Variants in GABRG3 observed in about 807,000 individuals in gnomAD.
GABRG3 encodes gamma-aminobutyric acid type A receptor subunit gamma3, also known as gamma-aminobutyric acid receptor subunit gamma-3.
In GABRG3, 25 loss-of-function variants were observed where a neutral mutation model predicts 48.8. The observed-to-expected ratio is 0.51, with a 90% CI of 0.37 to 0.72. The LOEUF (loss-of-function observed/expected upper bound fraction) is 0.72. Among genes scored for constraint, GABRG3 ranks in the 30% least tolerant of loss-of-function variants. GABRG3 has a pLI of 0.00. For synonymous variants in GABRG3, 227 were observed against 217.6 expected (o/e 1.04, Z -0.38); for missense variants, 394 against 577.9 (o/e 0.68, Z 3.26).
At chr15:27,435,126 C>A (rs181117344) in intron 5 of GABRG3, among the ~76,000 whole-genome samples, 1 of 151,610 alleles carries the variant, frequency 6.6e-6, no homozygotes, top group African/African-American at 2.4e-5. Context: ...TTTCCTTGTC[C>A]TAAGGGTCTT....
At chr15:27,060,436 A>G (rs1454170565) in intron 3 of GABRG3, among the ~76,000 whole-genome samples, 1 of 152,210 alleles carries the variant, frequency 6.6e-6, no homozygotes, top group African/African-American at 2.4e-5. Context: ...CTTGGAACTA[A>G]CAGACTGTGT....
At chr15:26,997,751 T>C (rs12440254) in intron 2 of GABRG3, among the ~76,000 whole-genome samples, 9,829 of 152,300 alleles carry the variant, frequency 0.065, 364 homozygotes, top group East Asian at 0.18. Flanking sequence ...GTCTTTGAGT[T>C]TGTTATCACA....
At chr15:27,020,068 C>T (rs1217358794) in intron 2 of GABRG3, among the ~76,000 whole-genome samples, 1 of 152,198 alleles carries the variant, frequency 6.6e-6, no homozygotes, top group Non-Finnish European at 1.5e-5. Flanking sequence ...CGGCCCTCCA[C>T]TCTCATCTTG....
chr15:27,459,710 G>A (rs1889391524), intron 5 of GABRG3, among the ~76,000 whole-genome samples: 2 of 152,234 alleles, frequency 1.3e-5, no homozygotes, highest in Admixed American at 1.3e-4. Context: ...TTTCAACACT[G>A]GTCATTAGAT....
chr15:27,186,805 T>C (rs1253141596), intron 3 of GABRG3, among the ~76,000 whole-genome samples: 1 of 152,158 alleles, frequency 6.6e-6, no homozygotes, highest in East Asian at 1.9e-4. Context: ...TACAAAGTGT[T>C]CTTAATCTTT....
chr15:27,434,673 A>G (rs1888553999), intron 5 of GABRG3, among the ~76,000 whole-genome samples: 2 of 152,154 alleles, frequency 1.3e-5, no homozygotes, highest in South Asian at 2.1e-4. Flanking sequence ...TTCATATTCC[A>G]TCAGAGCCGG....
At chr15:27,233,877 A>G (rs1889877745) in intron 3 of GABRG3, among the ~76,000 whole-genome samples, 1 of 152,220 alleles carries the variant, frequency 6.6e-6, no homozygotes, top group Admixed American at 6.5e-5. Flanking sequence ...ATTACACTTC[A>G]TGTGAATTAT....
chr15:27,033,190 C>T (rs777823588), intron 3 of GABRG3, among the ~76,000 whole-genome samples: 1 of 151,712 alleles, frequency 6.6e-6, no homozygotes, highest in African/African-American at 2.4e-5. Flanking sequence ...TCTTTATTCT[C>T]TCTGTCCAGG....
At chr15:27,238,699 T>C (rs1336825233) in intron 3 of GABRG3, among the ~76,000 whole-genome samples, 1 of 152,240 alleles carries the variant, frequency 6.6e-6, no homozygotes, top group African/African-American at 2.4e-5. Flanking sequence ...TCCCGTTTTC[T>C]TTCTTGTTGC....
At chr15:27,021,216 T>G (rs2140677331) in intron 2 of GABRG3, among the ~76,000 whole-genome samples, 1 of 152,304 alleles carries the variant, frequency 6.6e-6, no homozygotes, top group Middle Eastern at 3.4e-3. Flanking sequence ...AAGAACATAT[T>G]TTTTCGTGTT....
At chr15:26,995,552 T>G (rs1385278009) in intron 2 of GABRG3, among the ~76,000 whole-genome samples, 1 of 151,536 alleles carries the variant, frequency 6.6e-6, no homozygotes, top group Admixed American at 6.6e-5. Context: ...TTTTTTTTTT[T>G]GTTAAGTGGA....
intron 3 of GABRG3, among the ~76,000 whole-genome samples, chr15:27,207,571 T>C (rs926677057): frequency 6.6e-6 from 1 of 152,190 alleles, no homozygotes; most frequent in African/African-American, 2.4e-5. Context: ...TGACAACTGA[T>C]GGATTGTCAG....
intron 3 of GABRG3, among the ~76,000 whole-genome samples, chr15:27,220,960 A>G (rs958212289): frequency 6.6e-6 from 1 of 151,698 alleles, no homozygotes; most frequent in African/African-American, 2.4e-5. Flanking sequence ...GCATTATTCA[A>G]CCTTTCCATT....
At chr15:27,138,167 G>A (rs1463956978) in intron 3 of GABRG3, among the ~76,000 whole-genome samples, 1 of 152,182 alleles carries the variant, frequency 6.6e-6, no homozygotes, top group Non-Finnish European at 1.5e-5. Context: ...ATTTATGCCT[G>A]TAGTTCAGAA....
intron 2 of GABRG3, among the ~76,000 whole-genome samples, chr15:27,019,933 A>G (rs1479113972): frequency 6.6e-6 from 1 of 152,234 alleles, no homozygotes; most frequent in Non-Finnish European, 1.5e-5. Flanking sequence ...ATTTTTAAGC[A>G]TAAACATTAT....
chr15:27,259,368 C>T (rs763106641), intron 3 of GABRG3, among the ~76,000 whole-genome samples: 3 of 152,116 alleles, frequency 2.0e-5, no homozygotes, highest in Non-Finnish European at 4.4e-5. Context: ...TGGGCTCCGT[C>T]CTTCTCTGTC....
chr15:27,265,717 G>A lies in GABRG3; in HGVS notation c.271-61092G>A, dbSNP rs193234603. On this transcript the variant is annotated intron_variant, in intron 3 of 9. Coordinates refer to ENST00000615808, the MANE Select transcript of GABRG3 (RefSeq NM_033223.5). ...TGGACGTTGCAAATACTTTCTCTCAGTCTGCAGCTTGCCTTTTCATTCTCT... is the reference window on the plus strand; with the variant it reads ...TGGACGTTGCAAATACTTTCTCTCAATCTGCAGCTTGCCTTTTCATTCTCT... Among the ~76,000 whole-genome samples, 721 of 152,210 alleles carry A rather than the reference G, an allele frequency of 4.7e-3. 9 individuals carry two copies. The highest frequency in any genetic ancestry group is 0.016 in the African/African-American group (683 of 41,506).
chr15:27,251,591 A>G (rs1441518719), intron 3 of GABRG3, among the ~76,000 whole-genome samples: 1 of 152,240 alleles, frequency 6.6e-6, no homozygotes, highest in Admixed American at 6.5e-5. Context: ...TGCATTTTAA[A>G]GAAATCCTAA....
rs562254648 is a variant in GABRG3, at chr15:27,195,195, C to T, written c.271-131614C>T. ...TTTTTATGACAACTGCTTTAAAATC[C>T]TTGTCCGACAATTTCAGCATCTGTA... On this transcript the variant is annotated intron_variant, in intron 3 of 9. Transcript: ENST00000615808. Among the ~76,000 whole-genome samples, 4 of 152,312 alleles carry T rather than the reference C, an allele frequency of 2.6e-5. No homozygotes were observed. In the East Asian group the frequency reaches 7.7e-4, roughly 29 times the overall value.
Sources: gnomAD v4.1 joint callset for allele counts (sites outside exome capture counted in the v4.1 genomes callset) on GRCh38, gnomAD v4.1.1 for gene constraint, MANE v1.5 for transcripts, NCBI Gene and HGNC (gene_info 2026-07-23, HGNC 2026-07-21) for gene names.